SIPA1L2: variants seen among roughly 807,000 people sequenced by gnomAD.
The protein encoded by SIPA1L2 is signal induced proliferation associated 1 like 2.
A neutral mutation model predicts 163.9 loss-of-function variants in SIPA1L2; 56 were observed. The observed-to-expected ratio is 0.34, with a 90% CI of 0.28 to 0.43. The LOEUF (loss-of-function observed/expected upper bound fraction) is 0.43. Ranked by LOEUF, SIPA1L2 falls within the 20% of genes least tolerant of loss-of-function variation. The pLI, the probability that SIPA1L2 is intolerant of heterozygous loss-of-function variation, is 1.00. For missense variants in SIPA1L2, 1,974 were observed against 2,193.5 expected (o/e 0.90, Z 2.00); for synonymous variants, 877 against 865.7 (o/e 1.01, Z -0.23).
At chr1:232,544,370 G>A (rs993003228) in intron 2 of SIPA1L2, among the ~76,000 whole-genome samples, 3 of 152,092 alleles carry the variant, frequency 2.0e-5, no homozygotes, top group African/African-American at 4.8e-5. Context: ...GACTATCCTG[G>A]CTAACATGGT....
At chr1:232,405,803 A>G (rs1435787157) in intron 19 of SIPA1L2, among the ~76,000 whole-genome samples, 3 of 152,128 alleles carry the variant, frequency 2.0e-5, no homozygotes, top group Non-Finnish European at 4.4e-5. Context: ...TTCTTTCTCA[A>G]TGTATTTGGG....
chr1:232,585,189 A>G (rs575759916), intron 1 of SIPA1L2, among the ~76,000 whole-genome samples: 16 of 152,334 alleles, frequency 1.1e-4, no homozygotes, highest in African/African-American at 3.6e-4. Flanking sequence ...TTACCTATCC[A>G]TTTGGGTAAT....
chr1:232,501,097 G>A (rs1038519067), intron 3 of SIPA1L2, among the ~76,000 whole-genome samples: 2 of 117,090 alleles, frequency 1.7e-5, no homozygotes, highest in African/African-American at 3.3e-5. Context: ...TCGCTCTGTC[G>A]CCCGGGCTGG....
chr1:232,500,152 A>C (rs1291697405), intron 3 of SIPA1L2, among the ~76,000 whole-genome samples: 1 of 152,200 alleles, frequency 6.6e-6, no homozygotes, highest in Non-Finnish European at 1.5e-5. Context: ...TTCTGAGACA[A>C]AAAACATTCC....
intron 3 of SIPA1L2, 83 bp from the exon 4 acceptor site, chr1:232,493,743 A>C: frequency 6.5e-7 from 1 of 1,530,318 alleles, no homozygotes; most frequent in Non-Finnish European, 8.9e-7. Flanking sequence ...TTGTGTATCA[A>C]ATCTCTGAAG....
intron 6 of SIPA1L2, among the ~76,000 whole-genome samples, chr1:232,481,189 A>G (rs1476842680): frequency 6.6e-6 from 1 of 152,266 alleles, no homozygotes; most frequent in African/African-American, 2.4e-5. Context: ...AGAAAGTAAC[A>G]TTCCATTTTA....
At chr1:232,586,735 C>G (rs1660674904) in intron 1 of SIPA1L2, among the ~76,000 whole-genome samples, 1 of 152,190 alleles carries the variant, frequency 6.6e-6, no homozygotes, top group Non-Finnish European at 1.5e-5. Flanking sequence ...AGAAAACAAG[C>G]AAACATCATC....
At chr1:232,446,422 T>C (rs1227803766) in intron 10 of SIPA1L2, among the ~76,000 whole-genome samples, 1 of 152,202 alleles carries the variant, frequency 6.6e-6, no homozygotes, top group Non-Finnish European at 1.5e-5. Flanking sequence ...GTCCATTATC[T>C]TGTTTGTGGT....
At chr1:232,471,581 A>C in intron 7 of SIPA1L2, 53 bp from the exon 8 acceptor site, 1 of 1,417,464 alleles carries the variant, frequency 7.1e-7, no homozygotes. Context: ...AAAACAAAAT[A>C]TATATATAAT....
intron 2 of SIPA1L2, among the ~76,000 whole-genome samples, chr1:232,562,883 A>C (rs1659125432): frequency 6.6e-6 from 1 of 152,182 alleles, no homozygotes; most frequent in Non-Finnish European, 1.5e-5. Context: ...AAAGGAGAAA[A>C]AATAAAAATT....
chr1:232,410,469 A>G (rs1309483566), intron 19 of SIPA1L2, among the ~76,000 whole-genome samples: 5 of 152,126 alleles, frequency 3.3e-5, no homozygotes, highest in Admixed American at 3.3e-4. Context: ...AGATTGTCTT[A>G]TAATTATCTT....
In SIPA1L2 at chr1:232,420,981, T is replaced by C. The variant is rs1661545335; in HGVS notation, c.4630+4608A>G. Among the ~76,000 whole-genome samples, 3 of 152,336 alleles carry C rather than the reference T, an allele frequency of 2.0e-5. 1 individual carries two copies. The highest frequency in any genetic ancestry group is 6.8e-3 in the Middle Eastern group (2 of 294). On this transcript the variant is annotated intron_variant, in intron 18 of 22. Transcript: ENST00000674635. ...AATGGAAACCCGAACCAATTTTGCA[T>C]ATGGTATCACATACTAATGTCAAAC...
intron 21 of SIPA1L2, 82 bp downstream of exon 21, chr1:232,403,366 G>C: frequency 6.5e-7 from 1 of 1,541,170 alleles, no homozygotes; most frequent in South Asian, 1.2e-5. Context: ...CGCCCGCCTG[G>C]CTCAGGGTTA....
At position 232,607,491 on chromosome 1, in the gene SIPA1L2, G is replaced by A. The variant is rs376897712; in HGVS notation, c.-319+22378C>T. Among the ~76,000 whole-genome samples the A allele has an allele frequency of 9.2e-5, 14 of 151,946 alleles. No individual in the cohort carries two copies. In the East Asian group the frequency reaches 1.7e-3, roughly 19 times the overall value. On this transcript the variant is annotated intron_variant, in intron 1 of 22. Coordinates refer to ENST00000674635, the MANE Select transcript of SIPA1L2 (RefSeq NM_020808.5). ...CTTTTAGACCACTTGTGATTATTTCGTGGGGTAAATTGCCCATCCCAAATC... is the reference window on the plus strand; with the variant it reads ...CTTTTAGACCACTTGTGATTATTTCATGGGGTAAATTGCCCATCCCAAATC...
At chr1:232,422,145 T>G (rs1053614681) in intron 18 of SIPA1L2, among the ~76,000 whole-genome samples, 7 of 152,206 alleles carry the variant, frequency 4.6e-5, no homozygotes, top group African/African-American at 1.7e-4. Context: ...ATAAATTTTC[T>G]TCTGCAATCT....
intron 18 of SIPA1L2, among the ~76,000 whole-genome samples, chr1:232,419,769 G>C (rs553186271): frequency 4.1e-4 from 63 of 152,230 alleles, no homozygotes; most frequent in Non-Finnish European, 8.2e-4. Flanking sequence ...CCCAGCCCCA[G>C]ATATTTCTTT....
At chr1:232,587,770 G>C (rs748885924) in intron 1 of SIPA1L2, among the ~76,000 whole-genome samples, 1 of 152,156 alleles carries the variant, frequency 6.6e-6, no homozygotes. Context: ...CGTGTTGTGG[G>C]AGGGACCCAG....
intron 2 of SIPA1L2, among the ~76,000 whole-genome samples, chr1:232,528,681 G>A (rs1171511642): frequency 6.6e-6 from 1 of 152,086 alleles, no homozygotes; most frequent in Non-Finnish European, 1.5e-5. Flanking sequence ...CACAGACCTG[G>A]CTTACAATCA....
chr1:232,606,642 T>C (rs1164516915), intron 1 of SIPA1L2, among the ~76,000 whole-genome samples: 1 of 148,712 alleles, frequency 6.7e-6, no homozygotes, highest in Admixed American at 6.7e-5. Context: ...TACTATATAA[T>C]TTATAATATA....
Sources: allele counts gnomAD v4.1 joint callset (sites outside exome capture counted in the v4.1 genomes callset), GRCh38; gene constraint gnomAD v4.1.1; transcripts MANE v1.5; gene names NCBI Gene and HGNC (gene_info 2026-07-23, HGNC 2026-07-21).